ZC3HAV1: variants seen among roughly 807,000 people sequenced by gnomAD.
ZC3HAV1 encodes zinc finger CCCH-type antiviral protein 1.
Under a neutral mutation model 86.6 loss-of-function variants are expected in ZC3HAV1, and 41 were observed. The observed-to-expected ratio is 0.47, with a 90% CI of 0.37 to 0.61. The LOEUF (loss-of-function observed/expected upper bound fraction) is 0.61. ZC3HAV1 is among the 20% of genes least tolerant of loss of function. ZC3HAV1 has a pLI of 0.00. For synonymous variants in ZC3HAV1, 421 were observed against 432.1 expected, an observed-to-expected ratio of 0.97 and a Z score of 0.32; for missense variants, 964 against 1,141.1, an observed-to-expected ratio of 0.84 and a Z score of 2.24.
chr7:139,103,382 T>A (rs1261828954), intron 1 of ZC3HAV1, among the ~76,000 whole-genome samples: 2 of 151,890 alleles, frequency 1.3e-5, no homozygotes, highest in African/African-American at 4.8e-5. Flanking sequence ...AGTACACCCA[T>A]GAGCCACTGC....
At chr7:139,067,131 A>ATTTCTTTC (rs373193144) in intron 7 of ZC3HAV1, among the ~76,000 whole-genome samples, 4 of 151,308 alleles carry the variant, frequency 2.6e-5, no homozygotes, top group East Asian at 1.9e-4. Flanking sequence ...GGGAGGCAAA[A>ATTTCTTTC]TTTCTTTCTT....
intron 1 of ZC3HAV1, among the ~76,000 whole-genome samples, chr7:139,095,281 T>C (rs1057280098): frequency 2.6e-5 from 4 of 152,174 alleles, no homozygotes; most frequent in African/African-American, 9.7e-5. Flanking sequence ...ACTTCTGATA[T>C]TCAAGATTAA....
At chr7:139,097,625 G>T (rs1460182829) in intron 1 of ZC3HAV1, among the ~76,000 whole-genome samples, 1 of 150,352 alleles carries the variant, frequency 6.7e-6, no homozygotes, top group Admixed American at 6.6e-5. Context: ...TAGTAGAGAC[G>T]GGGTTTCACC....
At chr7:139,101,049 T>C (rs1244615238) in intron 1 of ZC3HAV1, among the ~76,000 whole-genome samples, 2 of 152,338 alleles carry the variant, frequency 1.3e-5, no homozygotes, top group Non-Finnish European at 2.9e-5. Context: ...TTCGCTGTGT[T>C]GGCCGGGCTG....
chr7:139,101,491 C>CGCG (rs1210731220), intron 1 of ZC3HAV1, among the ~76,000 whole-genome samples: 22 of 103,772 alleles, frequency 2.1e-4, no homozygotes, highest in East Asian at 5.1e-4. Flanking sequence ...TCAGCCCGGC[C>CGCG]ACCACCCCGT....
At chr7:139,100,537 AAAAAAC>A (rs201321374) in intron 1 of ZC3HAV1, among the ~76,000 whole-genome samples, 10,590 of 151,890 alleles carry the variant, frequency 0.07, 578 homozygotes, top group East Asian at 0.26. Flanking sequence ...CTGTCTCAAA[AAAAAAC>A]AAAAACAAAA....
Position 139,047,714 on chromosome 7 carries a change from C to A in ZC3HAV1, c.2589G>T (p.Gln863His), listed in dbSNP as rs1396856668. ...ATCTGGTATCCACACAGCTGTCGAA[C>A]TGTGGAGGAGGGCTCGTGTACGTTA... ...GNITYTSPPP[Q>H]FDSCVDTRSN... is the part of the protein sequence containing the mutation. Residue 863 changes from glutamine (Q) to histidine (H), a missense_variant, in exon 13 of 13, where the codon CAG (glutamine) becomes CAT (histidine). Physicochemically the swap from Gln to His is conservative, Grantham distance 24. Coordinates refer to ENST00000242351, the MANE Select transcript of ZC3HAV1 (RefSeq NM_020119.4). The A allele has an allele frequency of 1.2e-6, 2 of 1,614,014 alleles. No homozygotes were observed. Among genetic ancestry groups the A allele is most frequent in the Non-Finnish European group, 8.5e-7 (1 of 1,180,050 alleles).
intron 9 of ZC3HAV1, among the ~76,000 whole-genome samples, chr7:139,058,504 G>T (rs2130673174): frequency 6.6e-6 from 1 of 151,188 alleles, no homozygotes; most frequent in Middle Eastern, 3.4e-3. Flanking sequence ...TGATAATTGA[G>T]GTTGGTGGGG....
In ZC3HAV1 at chr7:139,058,449, C is replaced by A. The variant is rs1039646779; in HGVS notation, c.2096+2587G>T. ...AGCAACCTAACCCCCAACCCCCCCC[C>A]CCCCCACAAAAAAACACCAAAATAT... On this transcript the variant is annotated intron_variant, in intron 9 of 12. Transcript: ENST00000242351. Among the ~76,000 whole-genome samples the A allele has an allele frequency of 2.6e-3, 386 of 147,584 alleles. 1 individual carries two copies. The highest frequency in any genetic ancestry group is 2.9e-3 in the Non-Finnish European group (196 of 67,234).
intron 1 of ZC3HAV1, among the ~76,000 whole-genome samples, chr7:139,094,074 G>A (rs530349527): frequency 5.9e-5 from 9 of 152,244 alleles, no homozygotes; most frequent in Admixed American, 2.0e-4. Context: ...CATCACTTGG[G>A]AGGTTTTCAG....
chr7:139,073,115 T>C (rs1181022547), intron 7 of ZC3HAV1, among the ~76,000 whole-genome samples: 1 of 151,926 alleles, frequency 6.6e-6, no homozygotes, highest in African/African-American at 2.4e-5. Context: ...GTCCAACATG[T>C]TGAAACCCCA....
chr7:139,084,109 G>A (rs540738478), intron 2 of ZC3HAV1, 77 bp from the exon 3 acceptor site: 28 of 1,552,968 alleles, frequency 1.8e-5, no homozygotes, highest in South Asian at 9.7e-5. Flanking sequence ...GCAAGCTCAC[G>A]TGTGCAAAAA....
intron 5 of ZC3HAV1, among the ~76,000 whole-genome samples, chr7:139,076,840 C>T (rs1332652818): frequency 2.0e-5 from 3 of 151,368 alleles, no homozygotes; most frequent in Middle Eastern, 3.4e-3. Context: ...TGCGGTGAGC[C>T]GAGATCACCC....
Position 139,044,641 on chromosome 7 carries a change from T to TG in ZC3HAV1, c.*2952dup, listed in dbSNP as rs1440890655. 2 of 151,810 alleles carry TG rather than the reference T, an allele frequency of 1.3e-5. No individual in the cohort carries two copies. Among genetic ancestry groups the TG allele is most frequent in the African/African-American group, 2.4e-5 (1 of 41,202 alleles). The allele number at this position is 151,810 out of a possible 1,614,324, so 9.4% of individuals were successfully genotyped here. A position where few individuals can be genotyped will look rare whatever the true frequency, so the allele number is the denominator to read the frequency against. ...TTGTCACCGTGACTGGGCGTGGGGG[T>TG]GGGGGCGCTACTAGCATTTAGTATG... On this transcript the variant is annotated 3_prime_UTR_variant, in exon 13 of 13. Coordinates refer to ENST00000242351, the MANE Select transcript of ZC3HAV1 (RefSeq NM_020119.4).
intron 1 of ZC3HAV1, among the ~76,000 whole-genome samples, chr7:139,101,879 G>T (rs1342719663): frequency 6.6e-6 from 1 of 151,920 alleles, no homozygotes; most frequent in Non-Finnish European, 1.5e-5. Flanking sequence ...GCGGAAGGCC[G>T]CAGGGTCCTC....
Position 139,109,448 on chromosome 7 carries a change from C to G in ZC3HAV1, c.-117G>C, listed in dbSNP as rs1265827950. On this transcript the variant is annotated 5_prime_UTR_variant, in exon 1 of 13. Transcript: ENST00000242351. ...GGGCGGTGCTACTGCTGGGCGCGCC[C>G]GGAGTCAGCGAGGGCGCGCTCTCCG... 2 of 1,320,436 alleles carry G rather than the reference C, an allele frequency of 1.5e-6. No homozygotes were observed. The highest frequency in any genetic ancestry group is 2.0e-6 in the Non-Finnish European group (2 of 1,000,248). The allele number at this position is 1,320,436 out of a possible 1,614,324, so 81.8% of individuals were successfully genotyped here. A position where few individuals can be genotyped will look rare whatever the true frequency, so the allele number is the denominator to read the frequency against.
chr7:139,058,208 G>A (rs1816342284), intron 9 of ZC3HAV1, among the ~76,000 whole-genome samples: 1 of 144,492 alleles, frequency 6.9e-6, no homozygotes, highest in Admixed American at 7.4e-5. Flanking sequence ...TATTCATGTG[G>A]CTGTTTATTA....
chr7:139,089,917 T>C (rs1029694683), intron 1 of ZC3HAV1, among the ~76,000 whole-genome samples, 158 bp from the exon 2 acceptor site: 2 of 151,794 alleles, frequency 1.3e-5, no homozygotes, highest in African/African-American at 4.9e-5. Flanking sequence ...ATTTATTTAT[T>C]TTTTTTACTT....
At chr7:139,054,575 C>G (rs144523820) in intron 10 of ZC3HAV1, among the ~76,000 whole-genome samples, 9 of 152,322 alleles carry the variant, frequency 5.9e-5, no homozygotes, top group Admixed American at 2.6e-4. Flanking sequence ...CACTTTTACT[C>G]TGTGAGTTCT....
Sources: gnomAD v4.1 joint callset for allele counts (sites outside exome capture counted in the v4.1 genomes callset) on GRCh38, gnomAD v4.1.1 for gene constraint, MANE v1.5 for transcripts, NCBI Gene and HGNC (gene_info 2026-07-23, HGNC 2026-07-21) for gene names.